Variants in RPS4X observed in about 807,000 individuals in gnomAD.
RPS4X encodes the protein small ribosomal subunit protein eS4, X isoform.
For synonymous variants in RPS4X, 76 were observed against 76.8 expected (o/e 0.99, Z 0.06); for missense variants, 90 against 219.1 (o/e 0.41, Z 3.72).
chrX:72,273,653 A>G, intron 5 of RPS4X, 148 bp downstream of exon 5: 1 of 522,702 alleles, frequency 1.9e-6, no homozygotes, highest in Non-Finnish European at 3.2e-6. Flanking sequence ...AAGAAAAGAA[A>G]TGAGTATTCT....
rs1179468202 is a variant in RPS4X at position 72,276,231 on chromosome X, G to C, written c.7C>G (p.Arg3Gly). The C allele has an allele frequency of 8.3e-7, 1 of 1,204,522 alleles. No individual in the cohort carries two copies. The part of the protein sequence containing the change: MA[R>G]GPKKHLKRVA... ...CGCTTCAGATGCTTCTTGGGACCAC[G>C]AGCCTGAAAGTTTTAGATTGCAATG... The change falls in exon 2 of 7, where the codon CGT (arginine) becomes GGT (glycine). Residue 3 changes from arginine (R) to glycine (G), a missense_variant. Coordinates refer to ENST00000316084, the MANE Select transcript of RPS4X (RefSeq NM_001007.5).
chrX:72,273,580 A>C (rs1202414764), intron 5 of RPS4X, among the ~76,000 whole-genome samples, 191 bp from the exon 6 acceptor site: 1 of 111,759 alleles, frequency 8.9e-6, no homozygotes, highest in Non-Finnish European at 1.9e-5. Context: ...CACACCTATA[A>C]TCAGTTCGAG....
At position 72,276,189 on chromosome X, in the gene RPS4X, G is replaced by A. The variant is rs2043202696; in HGVS notation, c.49C>T (p.His17Tyr). Reference protein sequence around the residue: ...KHLKRVAAPKHWMLDKLTGVF... With the variant: ...KHLKRVAAPKYWMLDKLTGVF... ...CCGGTCAATTTATCCAGCATCCAAT[G>A]CTTTGGAGCTGCCACCCGCTTCAGA... Residue 17 changes from histidine (H) to tyrosine (Y), a missense_variant, in exon 2 of 7, where the codon CAT (histidine) becomes TAT (tyrosine). Physicochemically the swap from His to Tyr is moderately conservative, Grantham distance 83 (BLOSUM62 2). Transcript: ENST00000316084. 8.3e-7 allele frequency: 1 copy of A among 1,210,123 alleles called. No homozygotes were observed. The highest frequency in any genetic ancestry group is 3.0e-5 in the East Asian group (1 of 33,832).
chrX:72,273,935 G>A lies in RPS4X; in HGVS notation c.398C>T (p.Thr133Ile). 8.3e-7 allele frequency: 1 copy of A among 1,210,472 alleles called. No homozygotes were observed. The highest frequency in any genetic ancestry group is 1.1e-6 in the Non-Finnish European group (1 of 894,900). Residue 133 changes from threonine to isoleucine, a missense_variant, in exon 5 of 7, where the codon ACA (threonine) becomes ATA (isoleucine). Thr to Ile is a moderately conservative substitution (Grantham distance 89, BLOSUM62 -1). Coordinates refer to ENST00000316084, the MANE Select transcript of RPS4X (RefSeq NM_001007.5). ...LCKVRKIFVG[T>I]KGIPHLVTHD... ...AGTCACCAGATGAGGGATTCCTTTT[G>A]TGCCCACAAAGATCTTTCTCACTTT...
chrX:72,273,977 A>G lies in RPS4X; in HGVS notation c.361-5T>C. 8.3e-7 allele frequency: 1 copy of G among 1,206,547 alleles called. No homozygotes were observed. Among genetic ancestry groups the G allele is most frequent in the Non-Finnish European group, 1.1e-6 (1 of 890,954 alleles). On this transcript the variant is annotated splice_polypyrimidine_tract_variant and splice_region_variant and intron_variant, in intron 4 of 6. Transcript: ENST00000316084. Reference sequence around the variant, plus strand: ...TCTCACTTTGCACAACTTGTACTAGAAAAATACAAGGGTTAGCCACATTCA... The same window carrying G: ...TCTCACTTTGCACAACTTGTACTAGGAAAATACAAGGGTTAGCCACATTCA...
At chrX:72,276,966 G>T (rs1333845847) in intron 1 of RPS4X, among the ~76,000 whole-genome samples, 1 of 112,145 alleles carries the variant, frequency 8.9e-6, no homozygotes, top group African/African-American at 3.2e-5. Flanking sequence ...CGTATGGCCG[G>T]GTCAGAAACC....
chrX:72,274,462 ATCAG>A (rs1569494283), intron 4 of RPS4X: 1 of 343,285 alleles, frequency 2.9e-6, no homozygotes. Context: ...TAGGAGCCAC[ATCAG>A]TCAATTAAAT....
At chrX:72,274,925 A>G in intron 4 of RPS4X, 128 bp downstream of exon 4, 14 of 448,750 alleles carry the variant, frequency 3.1e-5, no homozygotes, top group Admixed American at 1.1e-4. Flanking sequence ...TGTTAGCTAG[A>G]TATTTCCAGG....
intron 2 of RPS4X, 39 bp downstream of exon 2, chrX:72,276,118 A>G: frequency 8.9e-7 from 1 of 1,117,950 alleles, no homozygotes; most frequent in Non-Finnish European, 1.2e-6. Flanking sequence ...GAGACACTTA[A>G]AAACAGTGGC....
At position 72,277,221 on chromosome X, in the gene RPS4X, C is replaced by T. The variant is rs780349503; in HGVS notation, c.-26G>A. The stretch of plus-strand genomic sequence containing the variant: ...GGCTGCGTTAGGCAAGGAAAGAGGA[C>T]CTCCGTCTTCCGGTGCGCGTAGAAA... On this transcript the variant is annotated 5_prime_UTR_variant, in exon 1 of 7. Coordinates refer to ENST00000316084, the MANE Select transcript of RPS4X (RefSeq NM_001007.5). 3 of 1,206,855 alleles carry T rather than the reference C, an allele frequency of 2.5e-6. No individual in the cohort carries two copies. The highest frequency in any genetic ancestry group is 3.4e-6 in the Non-Finnish European group (3 of 892,990).
intron 3 of RPS4X, 51 bp from the exon 4 acceptor site, chrX:72,275,201 A>C: frequency 2.4e-6 from 2 of 834,612 alleles, no homozygotes; most frequent in Non-Finnish European, 3.6e-6. Context: ...CCACTACCTC[A>C]TGCCGAGCAA....
rs1216817382 is a variant in RPS4X at position 72,273,323 on chromosome X, C to T, written c.599G>A (p.Arg200Lys). ...AACCACGTCAAAAGATCCAGGGTGC[C>T]TCTCTCTGTTGGTGATCACACCAAT... Reference protein sequence around the residue: ...GRIGVITNRERHPGSFDVVHV... With the variant: ...GRIGVITNREKHPGSFDVVHV... The change falls in exon 6 of 7, where the codon AGG becomes AAG. Residue 200 changes from arginine (R) to lysine (K), a missense_variant. Transcript: ENST00000316084. The T allele has an allele frequency of 8.3e-7, 1 of 1,210,974 alleles. No homozygotes were observed.
At position 72,273,873 on chromosome X, in the gene RPS4X, T is replaced by A. The variant is rs747633852; in HGVS notation, c.460A>T (p.Ile154Phe). ...ATCTGAATGGTATCATTCACCTTGATGAGGGGATCGGGGTAGCGGATGGTG... is the reference window on the plus strand; with the variant it reads ...ATCTGAATGGTATCATTCACCTTGAAGAGGGGATCGGGGTAGCGGATGGTG... ...ARTIRYPDPL[I>F]KVNDTIQIDL... is the part of the protein sequence containing the mutation. The change falls in exon 5 of 7, where the codon ATC (isoleucine) becomes TTC (phenylalanine). Residue 154 changes from isoleucine (I) to phenylalanine (F), a missense_variant. Transcript: ENST00000316084. The A allele has an allele frequency of 1.7e-6, 2 of 1,205,746 alleles. No homozygotes were observed. Among genetic ancestry groups the A allele is most frequent in the African/African-American group, 1.7e-5 (1 of 57,620 alleles).
At chrX:72,274,001 C>T in intron 4 of RPS4X, 29 bp from the exon 5 acceptor site, 3 of 1,174,577 alleles carry the variant, frequency 2.6e-6, no homozygotes, top group South Asian at 1.8e-5. Flanking sequence ...TAGCCACATT[C>T]AATCCATCTC....
chrX:72,275,305 C>A (rs779506852), intron 3 of RPS4X, among the ~76,000 whole-genome samples, 155 bp from the exon 4 acceptor site: 1 of 111,987 alleles, frequency 8.9e-6, no homozygotes, highest in African/African-American at 3.2e-5. Context: ...ACGGCCAGAT[C>A]TTCAATATTT....
intron 4 of RPS4X, 64 bp downstream of exon 4, chrX:72,274,989 A>G (rs1424531301): frequency 2.8e-6 from 2 of 708,400 alleles, no homozygotes; most frequent in African/African-American, 4.2e-5. Flanking sequence ...ACTCGTACTC[A>G]ATGCAGGCCC....
Position 72,276,010 on chromosome X carries a change from T to A in RPS4X, c.81+147A>T, listed in dbSNP as rs1602470051. 3 of 508,952 alleles carry A rather than the reference T, an allele frequency of 5.9e-6. No individual in the cohort carries two copies. The East Asian group carries it at 1.1e-4, about 18-fold the overall frequency. The allele number at this position is 508,952 out of a possible 1,213,427, so 41.9% of individuals were successfully genotyped here. A position where few individuals can be genotyped will look rare whatever the true frequency, so the allele number is the denominator to read the frequency against. On this transcript the variant is annotated intron_variant, in intron 2 of 6. Coordinates refer to ENST00000316084, the MANE Select transcript of RPS4X (RefSeq NM_001007.5). Reference sequence around the variant, plus strand: ...TGAGGCACAAAAATATTAAATCGATTGGAAGTGGAGGACAGCTAGATAGTA... The same window carrying A: ...TGAGGCACAAAAATATTAAATCGATAGGAAGTGGAGGACAGCTAGATAGTA...
At chrX:72,273,686 A>C (rs2043189965) in intron 5 of RPS4X, 115 bp downstream of exon 5, 1 of 627,105 alleles carries the variant, frequency 1.6e-6, no homozygotes, top group Non-Finnish European at 2.5e-6. Context: ...CTCTGGCTAT[A>C]AACACACCTG....
Position 72,272,465 on chromosome X carries a change from C to T in RPS4X, c.*206G>A. ...GCTGTTCCTTTCCCAAGTCTGGTAT[C>T]TTCTACTTCCCACCACTAACTAAGC... On this transcript the variant is annotated 3_prime_UTR_variant, in exon 7 of 7. Coordinates refer to ENST00000316084, the MANE Select transcript of RPS4X (RefSeq NM_001007.5). 2.7e-6 allele frequency: 1 copy of T among 371,531 alleles called. No individual in the cohort carries two copies. Among genetic ancestry groups the T allele is most frequent in the South Asian group, 5.5e-5 (1 of 18,320 alleles). 30.6% of individuals were successfully genotyped at this position (371,531 alleles called of 1,213,427 possible). A position where few individuals can be genotyped will look rare whatever the true frequency, so the allele number is the denominator to read the frequency against.
Sources: gnomAD v4.1 joint callset for allele counts (sites outside exome capture counted in the v4.1 genomes callset) on GRCh38, gnomAD v4.1.1 for gene constraint, MANE v1.5 for transcripts, NCBI Gene and HGNC (gene_info 2026-07-23, HGNC 2026-07-21) for gene names.